Variants in NRG2 observed in about 807,000 individuals in gnomAD.
NRG2 encodes neuregulin 2.
NRG2 carries 27 observed loss-of-function variants against 73.9 expected under a neutral mutation model. The ratio of observed to expected loss-of-function variants is 0.37; its 90% confidence interval spans 0.27 to 0.50. The LOEUF (loss-of-function observed/expected upper bound fraction) is 0.50. Among genes scored for constraint, NRG2 ranks in the 20% least tolerant of loss-of-function variants. The probability of loss-of-function intolerance (pLI) is 0.96; values close to 1 mark genes in which losing one functional copy is unlikely to be tolerated. For synonymous variants in NRG2, 532 were observed against 541.0 expected, an observed-to-expected ratio of 0.98 and a Z score of 0.23; for missense variants, 1,126 against 1,210.1, an observed-to-expected ratio of 0.93 and a Z score of 1.03.
At chr5:139,948,322 T>C (rs561823592) in intron 1 of NRG2, among the ~76,000 whole-genome samples, 48 of 152,328 alleles carry the variant, frequency 3.2e-4, no homozygotes, top group African/African-American at 1.1e-3. Context: ...TCCAACCTCT[T>C]GGCTCCCACA....
At chr5:139,983,465 T>C (rs1238769209) in intron 1 of NRG2, among the ~76,000 whole-genome samples, 1 of 152,214 alleles carries the variant, frequency 6.6e-6, no homozygotes, top group Non-Finnish European at 1.5e-5. Flanking sequence ...GTCAGAGCTC[T>C]ACCAAACTCC....
intron 1 of NRG2, among the ~76,000 whole-genome samples, chr5:140,033,236 G>A (rs984153719): frequency 1.2e-4 from 19 of 152,166 alleles, no homozygotes; most frequent in African/African-American, 3.9e-4. Flanking sequence ...AAAGCAGGAT[G>A]AGTCAAGGAC....
intron 2 of NRG2, among the ~76,000 whole-genome samples, chr5:139,886,669 G>C (rs1445514112): frequency 6.6e-6 from 1 of 152,190 alleles, no homozygotes; most frequent in Non-Finnish European, 1.5e-5. Context: ...CCTTGGACTA[G>C]CGGCTTCTCT....
intron 1 of NRG2, among the ~76,000 whole-genome samples, chr5:139,911,448 C>A (rs1216578931): frequency 6.6e-6 from 1 of 152,000 alleles, no homozygotes; most frequent in Non-Finnish European, 1.5e-5. Flanking sequence ...CTTCTCCCAG[C>A]CCCATGATCT....
intron 9 of NRG2, among the ~76,000 whole-genome samples, chr5:139,849,045 G>A (rs1761234027): frequency 6.6e-6 from 1 of 152,130 alleles, no homozygotes; most frequent in Non-Finnish European, 1.5e-5. Context: ...CCGTCAGGGG[G>A]TCAGGCTCAC....
intron 1 of NRG2, among the ~76,000 whole-genome samples, chr5:140,007,194 C>G (rs1025236595): frequency 1.3e-5 from 2 of 151,904 alleles, no homozygotes; most frequent in Non-Finnish European, 2.9e-5. Context: ...GCTAATAGTG[C>G]CATTGTTGAG....
chr5:139,963,588 C>T (rs1021364681), intron 1 of NRG2, among the ~76,000 whole-genome samples: 25 of 152,188 alleles, frequency 1.6e-4, no homozygotes, highest in African/African-American at 4.6e-4. Flanking sequence ...TGCCAGCCAC[C>T]ATGCCAAACA....
chr5:139,975,996 A>C (rs1312509003), intron 1 of NRG2, among the ~76,000 whole-genome samples: 1 of 152,248 alleles, frequency 6.6e-6, no homozygotes, highest in Admixed American at 6.5e-5. Context: ...TTTTACCTAA[A>C]TTATTACATT....
chr5:139,929,658 C>T (rs372745203), intron 1 of NRG2, among the ~76,000 whole-genome samples: 5 of 152,120 alleles, frequency 3.3e-5, no homozygotes, highest in African/African-American at 1.2e-4. Flanking sequence ...AAACAGTATG[C>T]CCAAAAGGCT....
In NRG2 at chr5:139,853,929, C is replaced by T. The variant is rs1032744499; in HGVS notation, c.1293-902G>A. Among the ~76,000 whole-genome samples the T allele has an allele frequency of 6.6e-6, 1 of 152,152 alleles. No individual in the cohort carries two copies. Among genetic ancestry groups the T allele is most frequent in the African/African-American group, 2.4e-5 (1 of 41,416 alleles). On this transcript the variant is annotated intron_variant, in intron 6 of 9. Transcript: ENST00000361474. The surrounding 1 kb of genome is among the most constrained non-coding windows in gnomAD (Gnocchi z 4.1). Reference sequence around the variant, plus strand: ...AAGAGTATAACTGGATTGCTTGTAACACAAAGGTCCACGAGGACCCATCAG... The same window carrying T: ...AAGAGTATAACTGGATTGCTTGTAATACAAAGGTCCACGAGGACCCATCAG...
Position 139,855,757 on chromosome 5 carries a change from T to C in NRG2, c.1211A>G (p.Lys404Arg), listed in dbSNP as rs1761766882. ...GATGCCCGTGATGGTCAGGACCCTCTTCTGGTACAGCTCCTCGGCTTCTGC... is the reference window on the plus strand; with the variant it reads ...GATGCCCGTGATGGTCAGGACCCTCCTCTGGTACAGCTCCTCGGCTTCTGC... The part of the protein sequence containing the change: ...PKQKAEELYQ[K>R]RVLTITGICV... Residue 404 changes from lysine to arginine, a missense_variant, in exon 6 of 10, where the codon AAG (lysine) becomes AGG (arginine). Coordinates refer to ENST00000361474, the MANE Select transcript of NRG2 (RefSeq NM_004883.3). The C allele has an allele frequency of 9.3e-6, 15 of 1,614,072 alleles. No individual in the cohort carries two copies. The highest frequency in any genetic ancestry group is 1.2e-5 in the Non-Finnish European group (14 of 1,179,946).
chr5:139,869,532 T>G lies in NRG2; in HGVS notation c.1112+2189A>C, dbSNP rs1264566102. 8.5e-6 allele frequency: 1 copy of G among 118,078 alleles called. No individual in the cohort carries two copies. The allele number at this position is 118,078 out of a possible 1,614,324, so 7.3% of individuals were successfully genotyped here. ...TGCCCTGCCCCCCACCCCCCTGCCC[T>G]TCTCCAGCACAGCTCTGAGGACCTG... On this transcript the variant is annotated intron_variant, in intron 4 of 9. Coordinates refer to ENST00000361474, the MANE Select transcript of NRG2 (RefSeq NM_004883.3). This position sits in a 1 kb window ranked among gnomAD's most constrained non-coding sequence, Gnocchi z 4.5.
At position 139,852,191 on chromosome 5, in the gene NRG2, CTA is replaced by C. The variant is rs1400172556; in HGVS notation, c.1544+239_1544+240del. ...AGGGGCCAGTATGTGAGGGCCCTGA[CTA>C]TTTCCTGGTGCTCCCGAGGGAAGAA... On this transcript the variant is annotated intron_variant, in intron 8 of 9. Transcript: ENST00000361474. The surrounding 1 kb of genome is among the most constrained non-coding windows in gnomAD (Gnocchi z 4.4). Among the ~76,000 whole-genome samples, 1 of 152,182 alleles carries C rather than the reference CTA, an allele frequency of 6.6e-6. No homozygotes were observed. The highest frequency in any genetic ancestry group is 2.4e-5 in the African/African-American group (1 of 41,442).
At chr5:139,979,381 C>G (rs947000272) in intron 1 of NRG2, among the ~76,000 whole-genome samples, 1 of 152,128 alleles carries the variant, frequency 6.6e-6, no homozygotes, top group Non-Finnish European at 1.5e-5. Context: ...TACCTGCAGA[C>G]GATTTCTCCC....
Position 140,034,132 on chromosome 5 carries a change from T to C in NRG2, c.700+8238A>G, listed in dbSNP as rs887639290. On this transcript the variant is annotated intron_variant, in intron 1 of 9. Transcript: ENST00000361474. ...TGGCACACCACACCCAGCTAATTTTTTGTATTTTTAATACAGATAGGATTT... is the reference window on the plus strand; with the variant it reads ...TGGCACACCACACCCAGCTAATTTTCTGTATTTTTAATACAGATAGGATTT... Among the ~76,000 whole-genome samples, 4 of 152,198 alleles carry C rather than the reference T, an allele frequency of 2.6e-5. No individual in the cohort carries two copies. The East Asian group carries it at 7.7e-4, about 29-fold the overall frequency.
At chr5:139,892,290 T>C (rs978169741) in intron 1 of NRG2, among the ~76,000 whole-genome samples, 1 of 152,202 alleles carries the variant, frequency 6.6e-6, no homozygotes, top group African/African-American at 2.4e-5. Context: ...CTCCCCAAGA[T>C]GGCCCTGGAT....
chr5:139,978,420 G>A (rs1349217651), intron 1 of NRG2, among the ~76,000 whole-genome samples: 1 of 152,150 alleles, frequency 6.6e-6, no homozygotes, highest in Non-Finnish European at 1.5e-5. Context: ...AGTTAGAATG[G>A]CGATCATTAA....
rs1416248302 is a variant in NRG2, at chr5:140,042,939, C to T, written c.131G>A (p.Gly44Asp). 3 of 1,542,822 alleles carry T rather than the reference C, an allele frequency of 1.9e-6. No homozygotes were observed. Among genetic ancestry groups the T allele is most frequent in the Non-Finnish European group, 2.6e-6 (3 of 1,146,250 alleles). The change falls in exon 1 of 10, where the codon GGC becomes GAC. Residue 44 changes from glycine (G) to aspartate (D), a missense_variant. Coordinates refer to ENST00000361474, the MANE Select transcript of NRG2 (RefSeq NM_004883.3). ...GTTGCTGCTGCTCCTGCTGCTGCTG[C>T]CGCTCTCGCTGCTGCTGCTGCTGCT... ...SSSSSSSSES[G>D]SSSRSSSNNS...
intron 1 of NRG2, among the ~76,000 whole-genome samples, chr5:139,927,764 C>CAAA (rs67854211): frequency 1.2e-5 from 1 of 82,544 alleles, no homozygotes. Flanking sequence ...AACCTTGTCT[C>CAAA]AAAAAAAAAA....
Sources: allele counts gnomAD v4.1 joint callset (sites outside exome capture counted in the v4.1 genomes callset), GRCh38; gene constraint gnomAD v4.1.1; non-coding constraint Gnocchi (gnomAD v3.1); transcripts MANE v1.5; gene names NCBI Gene and HGNC (gene_info 2026-07-23, HGNC 2026-07-21).